TBC1D1: variants seen among roughly 807,000 people sequenced by gnomAD.
TBC1D1 encodes TBC1 (tre-2/USP6, BUB2, cdc16) domain family, member 1.
TBC1D1 carries 89 observed loss-of-function variants against 125.6 expected under a neutral mutation model. That is an observed-to-expected ratio of 0.71 (90% CI 0.60 to 0.85). The LOEUF (loss-of-function observed/expected upper bound fraction) is 0.85, where lower values mean the gene tolerates loss of function less well. TBC1D1 is among the 40% of genes least tolerant of loss of function. The pLI is 0.00. For missense variants in TBC1D1, 1,377 were observed against 1,469.2 expected, an observed-to-expected ratio of 0.94 and a Z score of 1.03; for synonymous variants, 565 against 564.1, an observed-to-expected ratio of 1.00 and a Z score of -0.02.
At chr4:37,920,839 G>T (rs1202936869) in intron 2 of TBC1D1, among the ~76,000 whole-genome samples, 4 of 152,190 alleles carry the variant, frequency 2.6e-5, no homozygotes, top group Admixed American at 1.3e-4. Flanking sequence ...GGCCGGGCGC[G>T]GTGGCTCACG....
Position 38,014,493 on chromosome 4 carries a change from C to G in TBC1D1, c.418-16C>G, listed in dbSNP as rs376285348. The G allele has an allele frequency of 6.2e-7, 1 of 1,603,608 alleles. No homozygotes were observed. Among genetic ancestry groups the G allele is most frequent in the Non-Finnish European group, 8.5e-7 (1 of 1,172,746 alleles). On this transcript the variant is annotated splice_polypyrimidine_tract_variant and intron_variant, in intron 2 of 19. Transcript: ENST00000261439. This position sits in a 1 kb window ranked among gnomAD's most constrained non-coding sequence, Gnocchi z 5.1. ...ACACTGCATGTTCCAAATAACACGC[C>G]TCTCTCTCTCCTCAGGTGCCTGAGA... is the stretch of plus-strand genomic sequence containing the variant.
chr4:38,101,577 GT>G (rs1262576058), intron 14 of TBC1D1, among the ~76,000 whole-genome samples: 1 of 152,170 alleles, frequency 6.6e-6, no homozygotes, highest in African/African-American at 2.4e-5. Context: ...GACATTTTCT[GT>G]TTTTAGAGCT....
chr4:38,064,233 A>C (rs1331375585), intron 12 of TBC1D1, among the ~76,000 whole-genome samples: 1 of 152,226 alleles, frequency 6.6e-6, no homozygotes, highest in African/African-American at 2.4e-5. Context: ...ATCCTTTACC[A>C]GTCGAGAGGC....
chr4:37,910,127 C>T (rs1018133831), intron 2 of TBC1D1, among the ~76,000 whole-genome samples: 1 of 152,198 alleles, frequency 6.6e-6, no homozygotes, highest in Non-Finnish European at 1.5e-5. Flanking sequence ...TTGTTTTACA[C>T]ATATGACTTT....
chr4:37,894,663 G>A (rs56884201), intron 1 of TBC1D1, among the ~76,000 whole-genome samples: 9,486 of 152,202 alleles, frequency 0.062, 470 homozygotes, highest in East Asian at 0.23. Flanking sequence ...GCTTAGAACA[G>A]TGCCTGGTAC....
Position 38,090,063 on chromosome 4 carries a change from A to C in TBC1D1, c.2182A>C (p.Ile728Leu). 3.1e-6 allele frequency: 5 copies of C among 1,614,092 alleles called. No individual in the cohort carries two copies. The highest frequency in any genetic ancestry group is 4.2e-6 in the Non-Finnish European group (5 of 1,179,984). The change falls in exon 13 of 20, where the codon ATT (isoleucine) becomes CTT (leucine). Residue 728 changes from isoleucine (I) to leucine (L), a missense_variant. Coordinates refer to ENST00000261439, the MANE Select transcript of TBC1D1 (RefSeq NM_015173.4). ...GCTCCGAGAGCTGTGGCAAAAGGCT[A>C]TTCTTCAACAGATACTGCTGCTTAG... is the stretch of plus-strand genomic sequence containing the variant.
At position 38,138,973 on chromosome 4, in the gene TBC1D1, AGTTCAGCCTTTATCCCTCGTG is replaced by A. The variant is rs1767031474; in HGVS notation, c.*1643_*1663del. 6.6e-6 allele frequency: 1 copy of A among 152,612 alleles called. No homozygotes were observed. Among genetic ancestry groups the A allele is most frequent in the Non-Finnish European group, 1.5e-5 (1 of 68,034 alleles). 9.5% of individuals were successfully genotyped at this position (152,612 alleles called of 1,614,324 possible). Reference sequence around the variant, plus strand: ...GTTTCCATCATAAACCAAGATGATGAGTTCAGCCTTTATCCCTCGTGGTTCCGCTAGATGTAACTTATAGGA... The same window carrying A: ...GTTTCCATCATAAACCAAGATGATGAGTTCCGCTAGATGTAACTTATAGGA... On this transcript the variant is annotated 3_prime_UTR_variant, in exon 20 of 20. Coordinates refer to ENST00000261439, the MANE Select transcript of TBC1D1 (RefSeq NM_015173.4).
intron 14 of TBC1D1, among the ~76,000 whole-genome samples, chr4:38,101,960 T>C (rs1275634447): frequency 6.6e-6 from 1 of 152,076 alleles, no homozygotes; most frequent in African/African-American, 2.4e-5. Flanking sequence ...GAACCTTGAT[T>C]GCTCAGTTAG....
intron 2 of TBC1D1, among the ~76,000 whole-genome samples, chr4:37,994,630 C>T (rs1737367458): frequency 7.1e-6 from 1 of 141,338 alleles, no homozygotes; most frequent in Non-Finnish European, 1.6e-5. Flanking sequence ...TTTTTGTCTT[C>T]TTCCCCCAGC....
rs560306803 is a variant in TBC1D1 at position 38,017,604 on chromosome 4, C to T, written c.883-750C>T. 6.2e-4 allele frequency among the ~76,000 whole-genome samples: 95 copies of T among 152,250 alleles called. 1 individual carries two copies. Among genetic ancestry groups the T allele is most frequent in the Admixed American group, 9.8e-4 (15 of 15,296 alleles). On this transcript the variant is annotated intron_variant, in intron 3 of 19. Coordinates refer to ENST00000261439, the MANE Select transcript of TBC1D1 (RefSeq NM_015173.4). The stretch of plus-strand genomic sequence containing the variant: ...ATCTGATTTGTATTTTACATCAAAG[C>T]GTAAAGAGTTTAGAGGAGGAGATGG...
chr4:37,917,847 T>C (rs1159439475), intron 2 of TBC1D1, among the ~76,000 whole-genome samples: 3 of 152,168 alleles, frequency 2.0e-5, no homozygotes, highest in Admixed American at 6.5e-5. Context: ...ATTATACTTT[T>C]CTCAGCAATA....
chr4:38,123,346 T>C lies in TBC1D1; in HGVS notation c.2963-1616T>C, dbSNP rs200148973. On this transcript the variant is annotated intron_variant, in intron 17 of 19. Transcript: ENST00000261439. The stretch of plus-strand genomic sequence containing the variant: ...AACCACTGAAACTTCAAATTTACTT[T>C]AGAGTTTTGTTTCTGGAAATGTCAT... 5.3e-5 allele frequency among the ~76,000 whole-genome samples: 8 copies of C among 152,380 alleles called. No individual in the cohort carries two copies. In the East Asian group the frequency reaches 1.5e-3, roughly 29 times the overall value.
intron 2 of TBC1D1, among the ~76,000 whole-genome samples, chr4:37,982,890 A>T (rs1210199344): frequency 6.6e-6 from 1 of 152,196 alleles, no homozygotes; most frequent in Non-Finnish European, 1.5e-5. Flanking sequence ...AGGGCAGAGA[A>T]TAACGGGAAG....
chr4:37,937,707 T>C (rs959302290), intron 2 of TBC1D1, among the ~76,000 whole-genome samples: 106 of 152,240 alleles, frequency 7.0e-4, no homozygotes, highest in African/African-American at 2.5e-3. Flanking sequence ...CACTATAGGG[T>C]ATTTGAAAGT....
chr4:37,930,044 G>C (rs1722952229), intron 2 of TBC1D1, among the ~76,000 whole-genome samples: 1 of 152,088 alleles, frequency 6.6e-6, no homozygotes, highest in Admixed American at 6.6e-5. Flanking sequence ...GCACATTATT[G>C]CCAAAAAACA....
intron 2 of TBC1D1, among the ~76,000 whole-genome samples, chr4:37,992,271 C>T (rs114505232): frequency 6.6e-6 from 1 of 151,978 alleles, no homozygotes; most frequent in Non-Finnish European, 1.5e-5. Context: ...TAGGCCCGGA[C>T]CAGCGCTTGA....
intron 1 of TBC1D1, among the ~76,000 whole-genome samples, chr4:37,891,712 TG>T (rs1359003480): frequency 7.5e-6 from 1 of 132,798 alleles, no homozygotes; most frequent in East Asian, 2.2e-4. Context: ...GGAAAGAGTG[TG>T]GTCAGAGTGA....
chr4:37,999,941 T>C (rs1738654278), intron 2 of TBC1D1, among the ~76,000 whole-genome samples: 1 of 152,344 alleles, frequency 6.6e-6, no homozygotes, highest in Non-Finnish European at 1.5e-5. Flanking sequence ...TGAGTACTTG[T>C]AACATTTGAA....
At chr4:38,003,227 C>T (rs1578224463) in intron 2 of TBC1D1, among the ~76,000 whole-genome samples, 1 of 152,176 alleles carries the variant, frequency 6.6e-6, no homozygotes, top group Admixed American at 6.5e-5. Context: ...TTTGATACCA[C>T]TCACAGACCT....
Sources: allele counts gnomAD v4.1 joint callset (sites outside exome capture counted in the v4.1 genomes callset), GRCh38; gene constraint gnomAD v4.1.1; non-coding constraint Gnocchi (gnomAD v3.1); transcripts MANE v1.5; gene names NCBI Gene and HGNC (gene_info 2026-07-23, HGNC 2026-07-21).